Variants in TANC1 observed in about 807,000 individuals in gnomAD.
The protein encoded by TANC1 is tetratricopeptide repeat, ankyrin repeat and coiled-coil containing 1.
A neutral mutation model predicts 149.7 loss-of-function variants in TANC1; 77 were observed. The observed-to-expected ratio is 0.51, with a 90% CI of 0.43 to 0.62. TANC1 has a LOEUF of 0.62. Ranked by LOEUF, TANC1 falls within the 20% of genes least tolerant of loss-of-function variation. The probability of loss-of-function intolerance (pLI) is 0.00; values close to 1 mark genes in which losing one functional copy is unlikely to be tolerated. For synonymous variants in TANC1, 854 were observed against 925.0 expected, an observed-to-expected ratio of 0.92 and a Z score of 1.39; for missense variants, 1,985 against 2,321.8, an observed-to-expected ratio of 0.85 and a Z score of 2.98.
chr2:159,055,209 A>G (rs1046001917), intron 2 of TANC1, among the ~76,000 whole-genome samples: 2 of 152,376 alleles, frequency 1.3e-5, no homozygotes, highest in African/African-American at 2.4e-5. Flanking sequence ...GAAAGACTCT[A>G]TGGCCCTAGC....
chr2:159,185,850 A>G lies in TANC1; in HGVS notation c.2570A>G (p.Gln857Arg). 1 of 1,614,176 alleles carries G rather than the reference A, an allele frequency of 6.2e-7. No homozygotes were observed. The highest frequency in any genetic ancestry group is 8.5e-7 in the Non-Finnish European group (1 of 1,180,020). The stretch of plus-strand genomic sequence containing the variant: ...CGTCAGGAGGGCAAGTTGAACCGCC[A>G]GCAGACCATGGAGCTTGGCCACCAC... The part of the protein sequence containing the change: ...FSRQEGKLNR[Q>R]QTMELGHHIL... Residue 857 changes from glutamine (Q) to arginine (R), a missense_variant, in exon 15 of 27, where the codon CAG (glutamine) becomes CGG (arginine). Gln to Arg is a conservative substitution (Grantham distance 43, BLOSUM62 1). This residue lies in a region of TANC1 where 508 missense variants were observed against 714.2 expected (regional missense o/e 0.71). Coordinates refer to ENST00000263635, the MANE Select transcript of TANC1 (RefSeq NM_033394.3).
At chr2:159,132,203 T>A (rs1268973685) in intron 4 of TANC1, among the ~76,000 whole-genome samples, 1 of 152,246 alleles carries the variant, frequency 6.6e-6, no homozygotes, top group African/African-American at 2.4e-5. Flanking sequence ...AATTGTACTT[T>A]TCTCCCAGAG....
chr2:159,115,494 G>A (rs2048157568), intron 4 of TANC1, among the ~76,000 whole-genome samples: 1 of 152,124 alleles, frequency 6.6e-6, no homozygotes, highest in African/African-American at 2.4e-5. Context: ...ATTAGGGAAG[G>A]AAGAAAGTGC....
At chr2:159,200,048 C>T (rs1056189606) in intron 19 of TANC1, among the ~76,000 whole-genome samples, 6 of 152,180 alleles carry the variant, frequency 3.9e-5, no homozygotes, top group Admixed American at 3.3e-4. Context: ...ATTATGTCTA[C>T]GGGTAAAAGT....
At chr2:159,074,321 G>A (rs1242581092) in intron 3 of TANC1, among the ~76,000 whole-genome samples, 1 of 152,186 alleles carries the variant, frequency 6.6e-6, no homozygotes, top group African/African-American at 2.4e-5. Context: ...TCAACTGCTA[G>A]ATTTGGTACA....
chr2:159,127,123 C>CA lies in TANC1; in HGVS notation c.260-9064dup, dbSNP rs1325012295. ...TACCTTATTGAAAGGAGCATGGCTA[C>CA]AAAAAAATCCCATCAAAAAGTGGGC... On this transcript the variant is annotated intron_variant, in intron 4 of 26. Transcript: ENST00000263635. Among the ~76,000 whole-genome samples, 8 of 151,956 alleles carry CA rather than the reference C, an allele frequency of 5.3e-5. No individual in the cohort carries two copies. In the South Asian group the frequency reaches 6.2e-4, roughly 12 times the overall value.
At chr2:159,018,262 G>A (rs1239205402) in intron 2 of TANC1, among the ~76,000 whole-genome samples, 1 of 152,108 alleles carries the variant, frequency 6.6e-6, no homozygotes, top group Admixed American at 6.5e-5. Flanking sequence ...ATTCCCACAA[G>A]GCTTCCAGAT....
At chr2:159,198,896 C>G (rs1433894592) in intron 18 of TANC1, 79 bp from the exon 19 acceptor site, 3 of 971,188 alleles carry the variant, frequency 3.1e-6, no homozygotes, top group Non-Finnish European at 4.9e-6. Context: ...AAACAACACA[C>G]TGTCTCCTTT....
rs766086134 is a variant in TANC1 at position 159,175,179 on chromosome 2, GA to G, written c.1733del (p.Asn578MetfsTer13). The G allele has an allele frequency of 6.2e-7, 1 of 1,613,408 alleles. No homozygotes were observed. The highest frequency in any genetic ancestry group is 1.7e-5 in the Admixed American group (1 of 60,024). ...RGVLEPLTNL[R>X]NEQKIPEEEY... ...GTGCTGGAGCCACTCACAAACCTGA[GA>G]AATGGTACTTCGCAGCAGCTACCCA... is the stretch of plus-strand genomic sequence containing the variant. On this transcript the variant is annotated frameshift_variant, in exon 12 of 27. Coordinates refer to ENST00000263635, the MANE Select transcript of TANC1 (RefSeq NM_033394.3). LOFTEE classifies it high-confidence loss of function.
At position 159,163,765 on chromosome 2, in the gene TANC1, G is replaced by A. The variant is rs188018918; in HGVS notation, c.946+219G>A. Among the ~76,000 whole-genome samples, 75 of 152,160 alleles carry A rather than the reference G, an allele frequency of 4.9e-4. 1 individual carries two copies. Among genetic ancestry groups the A allele is most frequent in the African/African-American group, 2.7e-4 (11 of 41,496 alleles). ...CTTCTGCTCTGGAATTCTTTAAATC[G>A]ATTATTTGGACTGTCAGGCTCTTTG... On this transcript the variant is annotated intron_variant, in intron 8 of 26. Transcript: ENST00000263635.
In TANC1 at chr2:159,117,155, A is replaced by G. The variant is rs755024271; in HGVS notation, c.260-19039A>G. Among the ~76,000 whole-genome samples the G allele has an allele frequency of 3.3e-4, 50 of 152,246 alleles. 1 individual carries two copies. The highest frequency in any genetic ancestry group is 1.9e-3 in the South Asian group (9 of 4,828). Reference sequence around the variant, plus strand: ...GTCAGGAACACAACCTAAATACAACATAGAAAGTAAAAGGACTCTCCTGTA... The same window carrying G: ...GTCAGGAACACAACCTAAATACAACGTAGAAAGTAAAAGGACTCTCCTGTA... On this transcript the variant is annotated intron_variant, in intron 4 of 26. Coordinates refer to ENST00000263635, the MANE Select transcript of TANC1 (RefSeq NM_033394.3).
intron 1 of TANC1, among the ~76,000 whole-genome samples, chr2:158,978,197 G>A (rs1414556425): frequency 6.6e-6 from 1 of 152,146 alleles, no homozygotes; most frequent in Non-Finnish European, 1.5e-5. Flanking sequence ...GGGAGAAAGG[G>A]AGACAGAGAA....
At chr2:159,045,321 A>G (rs2040953883) in intron 2 of TANC1, among the ~76,000 whole-genome samples, 1 of 152,054 alleles carries the variant, frequency 6.6e-6, no homozygotes, top group South Asian at 2.1e-4. Context: ...AGTCCCAGCT[A>G]CTCGGGAGGC....
intron 17 of TANC1, among the ~76,000 whole-genome samples, chr2:159,195,847 G>A (rs1240840220): frequency 2.6e-5 from 4 of 152,226 alleles, no homozygotes; most frequent in Admixed American, 2.6e-4. Flanking sequence ...CTCTGGCAAA[G>A]CCTCTGAATG....
rs1296397198 is a variant in TANC1, at chr2:159,224,300, C to T, written c.3747C>T (p.Asp1249=). The T allele has an allele frequency of 3.1e-6, 5 of 1,614,176 alleles. No individual in the cohort carries two copies. Among genetic ancestry groups the T allele is most frequent in the Non-Finnish European group, 3.4e-6 (4 of 1,180,036 alleles). The part of the protein sequence containing the change: ...HVDHSGMRPL[D]RAIGCRNTSV... The stretch of plus-strand genomic sequence containing the variant: ...ACCACAGCGGGATGCGGCCCTTGGA[C>T]AGAGCCATCGGCTGCCGGAACACAT... Residue 1249 remains aspartate, a synonymous_variant, in exon 23 of 27, where the codon GAC becomes GAT. Coordinates refer to ENST00000263635, the MANE Select transcript of TANC1 (RefSeq NM_033394.3).
At chr2:158,995,622 C>G (rs1465622060) in intron 1 of TANC1, among the ~76,000 whole-genome samples, 1 of 152,174 alleles carries the variant, frequency 6.6e-6, no homozygotes, top group Non-Finnish European at 1.5e-5. Context: ...GAGAAACCTT[C>G]CAGACAGAGG....
At position 159,101,365 on chromosome 2, in the gene TANC1, C is replaced by T. The variant is rs111632330; in HGVS notation, c.259+3531C>T. ...TGTATGTTAATACAATTGATGATTA[C>T]TTCCTGGATCTTGGGAACTGTGGGC... On this transcript the variant is annotated intron_variant, in intron 4 of 26. Transcript: ENST00000263635. Among the ~76,000 whole-genome samples, 1,057 of 152,316 alleles carry T rather than the reference C, an allele frequency of 6.9e-3. 4 individuals carry two copies. Among genetic ancestry groups the T allele is most frequent in the Admixed American group, 0.011 (164 of 15,306 alleles).
chr2:159,081,254 A>G (rs796386054), intron 3 of TANC1, among the ~76,000 whole-genome samples: 34 of 152,314 alleles, frequency 2.2e-4, no homozygotes, highest in African/African-American at 7.9e-4. Context: ...TTCAAAATGT[A>G]TAGTGTCCAT....
At chr2:159,229,323 GCTT>G (rs2060211307) in intron 26 of TANC1, among the ~76,000 whole-genome samples, 1 of 152,104 alleles carries the variant, frequency 6.6e-6, no homozygotes, top group South Asian at 2.1e-4. Flanking sequence ...ACTGATTCAT[GCTT>G]CTCCCTATTC....
Sources: gnomAD v4.1 joint callset for allele counts (sites outside exome capture counted in the v4.1 genomes callset) on GRCh38, gnomAD v4.1.1 for gene constraint, gnomAD v4.1.1 regional missense constraint, MANE v1.5 for transcripts, NCBI Gene and HGNC (gene_info 2026-07-23, HGNC 2026-07-21) for gene names.